The following FGD5 variants were observed in gnomAD, a reference collection of about 807,000 sequenced individuals.
FGD5 encodes FYVE, RhoGEF and PH domain containing 5.
A neutral mutation model predicts 133.4 loss-of-function variants in FGD5; 28 were observed. That is an observed-to-expected ratio of 0.21 (90% CI 0.16 to 0.29). The LOEUF (loss-of-function observed/expected upper bound fraction) is 0.29, where lower values mean the gene tolerates loss of function less well. Among genes scored for constraint, FGD5 ranks in the 10% least tolerant of loss-of-function variants. The pLI, the probability that FGD5 is intolerant of heterozygous loss-of-function variation, is 1.00. For synonymous variants in FGD5, 810 were observed against 776.5 expected (o/e 1.04, Z -0.72); for missense variants, 1,858 against 1,895.2 (o/e 0.98, Z 0.36).
intron 1 of FGD5, among the ~76,000 whole-genome samples, chr3:14,832,473 C>T (rs2036730835): frequency 6.6e-6 from 1 of 152,192 alleles, no homozygotes; most frequent in Non-Finnish European, 1.5e-5. Flanking sequence ...AATTTTAACC[C>T]AGGCAGTTTC....
Position 14,900,457 on chromosome 3 carries a change from A to C in FGD5, c.3205+4A>C, listed in dbSNP as rs779339627. 8.1e-6 allele frequency: 13 copies of C among 1,613,164 alleles called. No individual in the cohort carries two copies. In the South Asian group the frequency reaches 1.4e-4, roughly 18 times the overall value. On this transcript the variant is annotated splice_donor_region_variant and intron_variant, in intron 8 of 19. Transcript: ENST00000285046. ...GCCGAGTACGACAACACACAGGGTG[A>C]GTCCAGCGTGAATGCGGAGGGAGGT... is the stretch of plus-strand genomic sequence containing the variant.
chr3:14,910,109 A>G (rs988232582), intron 10 of FGD5, among the ~76,000 whole-genome samples: 1 of 152,202 alleles, frequency 6.6e-6, no homozygotes, highest in African/African-American at 2.4e-5. Context: ...AAAAATAAAA[A>G]TAAAAAATAC....
At chr3:14,866,773 G>A (rs1243359605) in intron 2 of FGD5, among the ~76,000 whole-genome samples, 1 of 152,240 alleles carries the variant, frequency 6.6e-6, no homozygotes, top group Non-Finnish European at 1.5e-5. Context: ...GGACTCAGCA[G>A]TGACGCACTG....
chr3:14,849,542 AT>A (rs1275335206), intron 1 of FGD5, among the ~76,000 whole-genome samples: 1 of 152,206 alleles, frequency 6.6e-6, no homozygotes, highest in African/African-American at 2.4e-5. Context: ...AAAGATGAGT[AT>A]AATAATAGTG....
At chr3:14,864,827 G>T (rs2037463875) in intron 2 of FGD5, among the ~76,000 whole-genome samples, 2 of 152,180 alleles carry the variant, frequency 1.3e-5, no homozygotes, top group African/African-American at 4.8e-5. Flanking sequence ...GGGTGCATCA[G>T]TGCTGATGGG....
intron 1 of FGD5, among the ~76,000 whole-genome samples, chr3:14,840,899 G>A (rs2036909382): frequency 6.6e-6 from 1 of 152,142 alleles, no homozygotes; most frequent in African/African-American, 2.4e-5. Context: ...TATTATAAAT[G>A]CCTATATTTT....
rs780049234 is a variant in FGD5, at chr3:14,917,213, G to A, written c.3406-36G>A. 1 of 1,589,842 alleles carries A rather than the reference G, an allele frequency of 6.3e-7. No individual in the cohort carries two copies. Among genetic ancestry groups the A allele is most frequent in the Non-Finnish European group, 8.6e-7 (1 of 1,164,308 alleles). On this transcript the variant is annotated intron_variant, in intron 11 of 19. Transcript: ENST00000285046. This position sits in a 1 kb window ranked among gnomAD's most constrained non-coding sequence, Gnocchi z 4.1. ...ACAGAAGCCTGGCGCAGCCTTCTGG[G>A]GCCAGGGTCCTCTCATAGGGTTTCC...
chr3:14,931,758 C>T (rs2038902890), intron 18 of FGD5: 2 of 152,140 alleles, frequency 1.3e-5, no homozygotes, highest in South Asian at 4.1e-4. Context: ...GCAAGTGCTC[C>T]ATATTGAAAT....
At chr3:14,875,125 G>A (rs1275589334) in intron 2 of FGD5, among the ~76,000 whole-genome samples, 3 of 152,218 alleles carry the variant, frequency 2.0e-5, no homozygotes, top group Non-Finnish European at 4.4e-5. Context: ...CTTGGAGACT[G>A]TGTTCTCCTG....
intron 1 of FGD5, among the ~76,000 whole-genome samples, chr3:14,829,798 G>A (rs1030190435): frequency 1.3e-5 from 2 of 152,162 alleles, no homozygotes; most frequent in Admixed American, 6.5e-5. Context: ...TCTAGCATAA[G>A]CATCCCCTCC....
At chr3:14,860,520 G>A (rs1346031685) in intron 1 of FGD5, among the ~76,000 whole-genome samples, 1 of 152,192 alleles carries the variant, frequency 6.6e-6, no homozygotes, top group Non-Finnish European at 1.5e-5. Context: ...AGAATAAGAG[G>A]AGGGCCATCT....
intron 2 of FGD5, among the ~76,000 whole-genome samples, chr3:14,875,945 G>A (rs1389340049): frequency 1.3e-5 from 2 of 152,156 alleles, no homozygotes; most frequent in African/African-American, 2.4e-5. Flanking sequence ...GGCTTTGGGG[G>A]CGAGGAGCTT....
At chr3:14,866,576 G>A (rs1575217986) in intron 2 of FGD5, among the ~76,000 whole-genome samples, 8 of 152,268 alleles carry the variant, frequency 5.3e-5, no homozygotes, top group Admixed American at 3.3e-4. Flanking sequence ...CACTCTGCTC[G>A]TAGGATTCCC....
chr3:14,887,450 G>A (rs533132292), intron 4 of FGD5, among the ~76,000 whole-genome samples: 17 of 151,962 alleles, frequency 1.1e-4, no homozygotes, highest in Non-Finnish European at 2.1e-4. Context: ...GGCTGAGGCA[G>A]GAGAATCACT....
At chr3:14,887,034 G>A (rs1409825907) in intron 4 of FGD5, among the ~76,000 whole-genome samples, 2 of 152,170 alleles carry the variant, frequency 1.3e-5, no homozygotes, top group African/African-American at 4.8e-5. Context: ...GGTGTTCTGT[G>A]GATGCTGCAT....
At chr3:14,860,031 A>T (rs1307233346) in intron 1 of FGD5, among the ~76,000 whole-genome samples, 4 of 152,264 alleles carry the variant, frequency 2.6e-5, no homozygotes, top group Non-Finnish European at 5.9e-5. Context: ...CTAAACATTT[A>T]CAATTCTGAG....
At position 14,829,042 on chromosome 3, in the gene FGD5, C is replaced by T. The variant is rs150960988; in HGVS notation, c.2525+7446C>T. Among the ~76,000 whole-genome samples the T allele has an allele frequency of 7.9e-4, 120 of 152,164 alleles. 2 individuals are homozygous for T. In the East Asian group the frequency reaches 0.021, roughly 27 times the overall value. ...CTCCTGACCTCTGGTGATCCACCTG[C>T]CTCGGCCTCCCAAAATGTTGGGATT... On this transcript the variant is annotated intron_variant, in intron 1 of 19. Transcript: ENST00000285046.
Position 14,821,524 on chromosome 3 carries a change from A to G in FGD5, c.2453A>G (p.Asp818Gly). 2.5e-6 allele frequency: 4 copies of G among 1,613,964 alleles called. No individual in the cohort carries two copies. The highest frequency in any genetic ancestry group is 3.4e-6 in the Non-Finnish European group (4 of 1,179,868). Reference protein sequence around the residue: ...SRALSTANENDGYVDMSSFNA... With the variant: ...SRALSTANENGGYVDMSSFNA... Reference sequence around the variant, plus strand: ...GCCCTGTCCACAGCAAACGAAAATGATGGCTACGTGGACATGAGCAGCTTC... The same window carrying G: ...GCCCTGTCCACAGCAAACGAAAATGGTGGCTACGTGGACATGAGCAGCTTC... The change falls in exon 1 of 20, where the codon GAT (aspartate) becomes GGT (glycine). Residue 818 changes from aspartate (D) to glycine (G), a missense_variant. Asp to Gly is a moderately conservative substitution (Grantham distance 94). This residue lies in a region of FGD5 where 1,824 missense variants were observed against 1,848.9 expected (regional missense o/e 0.99). Coordinates refer to ENST00000285046, the MANE Select transcript of FGD5 (RefSeq NM_152536.4).
intron 1 of FGD5, among the ~76,000 whole-genome samples, chr3:14,850,922 G>A (rs967170799): frequency 1.3e-5 from 2 of 152,210 alleles, no homozygotes; most frequent in African/African-American, 4.8e-5. Flanking sequence ...TGGTTTGGCT[G>A]TGTAGGCTGG....
Sources: gnomAD v4.1 joint callset for allele counts (sites outside exome capture counted in the v4.1 genomes callset) on GRCh38, gnomAD v4.1.1 for gene constraint, gnomAD v4.1.1 regional missense constraint, Gnocchi (gnomAD v3.1) non-coding constraint, MANE v1.5 for transcripts, NCBI Gene and HGNC (gene_info 2026-07-23, HGNC 2026-07-21) for gene names.